The following DPP10 variants were observed in gnomAD, a reference collection of about 807,000 sequenced individuals.
The protein encoded by DPP10 is dipeptidyl peptidase like 10.
DPP10 carries 33 observed loss-of-function variants against 120.9 expected under a neutral mutation model. That is an observed-to-expected ratio of 0.27 (90% confidence interval 0.21 to 0.37). The LOEUF (loss-of-function observed/expected upper bound fraction) is 0.37. DPP10 is among the 10% of genes least tolerant of loss of function. The pLI is 1.00. For missense variants in DPP10, 816 were observed against 942.8 expected (o/e 0.87, Z 1.76); for synonymous variants, 337 against 326.1 (o/e 1.03, Z -0.36).
At chr2:115,362,013 G>T (rs961145016) in intron 3 of DPP10, among the ~76,000 whole-genome samples, 2 of 143,978 alleles carry the variant, frequency 1.4e-5, no homozygotes, top group African/African-American at 4.9e-5. Flanking sequence ...TATGTTTTGT[G>T]TGTATGTTTT....
chr2:115,767,730 A>G (rs2149810507), intron 12 of DPP10, among the ~76,000 whole-genome samples: 1 of 152,170 alleles, frequency 6.6e-6, no homozygotes, highest in Admixed American at 6.6e-5. Context: ...GAGATGAGCA[A>G]TAAGGATGGT....
At chr2:115,250,914 A>C (rs984387051) in intron 1 of DPP10, among the ~76,000 whole-genome samples, 6 of 152,218 alleles carry the variant, frequency 3.9e-5, no homozygotes, top group Admixed American at 2.6e-4. Context: ...ACAGTCTTTT[A>C]TGCCACTGGA....
At chr2:115,748,209 A>G (rs571332041) in intron 10 of DPP10, among the ~76,000 whole-genome samples, 1 of 139,300 alleles carries the variant, frequency 7.2e-6, no homozygotes, top group Non-Finnish European at 1.6e-5. Flanking sequence ...TTCATTTTAT[A>G]ATAATTTACA....
chr2:115,841,052 C>A (rs537550239), intron 25 of DPP10, among the ~76,000 whole-genome samples: 2 of 151,926 alleles, frequency 1.3e-5, no homozygotes, highest in Non-Finnish European at 2.9e-5. Flanking sequence ...TCCTCTCAGA[C>A]TTATTCATAT....
chr2:115,341,821 GTATC>G (rs1466334658), intron 2 of DPP10, among the ~76,000 whole-genome samples: 1 of 151,866 alleles, frequency 6.6e-6, no homozygotes, highest in Non-Finnish European at 1.5e-5. Flanking sequence ...TTAAAAAAAT[GTATC>G]TATTTAGCCA....
At chr2:115,451,778 A>G (rs933244283) in intron 3 of DPP10, among the ~76,000 whole-genome samples, 2 of 152,032 alleles carry the variant, frequency 1.3e-5, no homozygotes, top group Non-Finnish European at 2.9e-5. Flanking sequence ...TTAACGCATA[A>G]AAGTGAAATA....
intron 1 of DPP10, among the ~76,000 whole-genome samples, chr2:115,126,484 T>C (rs1283924691): frequency 6.6e-6 from 1 of 152,212 alleles, no homozygotes; most frequent in East Asian, 1.9e-4. Flanking sequence ...CCCGGAGTAG[T>C]TGAAAGATAT....
At chr2:114,742,800 G>A (rs1185222455) in intron 1 of DPP10, among the ~76,000 whole-genome samples, 1 of 152,178 alleles carries the variant, frequency 6.6e-6, no homozygotes, top group East Asian at 1.9e-4. Flanking sequence ...CAGCAACTTT[G>A]CTGGCTTCTT....
intron 5 of DPP10, among the ~76,000 whole-genome samples, chr2:115,604,028 A>T (rs2083533891): frequency 6.6e-6 from 1 of 152,030 alleles, no homozygotes; most frequent in African/African-American, 2.4e-5. Context: ...AGGCTAAAGG[A>T]AGAAAAATGA....
chr2:114,999,142 T>A (rs759024835), intron 1 of DPP10, among the ~76,000 whole-genome samples: 1 of 152,202 alleles, frequency 6.6e-6, no homozygotes, highest in Non-Finnish European at 1.5e-5. Context: ...TGTTTTGCTG[T>A]ATCTTCAGGA....
intron 5 of DPP10, among the ~76,000 whole-genome samples, chr2:115,673,085 A>G (rs1463060200): frequency 6.6e-6 from 1 of 152,122 alleles, no homozygotes; most frequent in Non-Finnish European, 1.5e-5. Flanking sequence ...TTATGCAGTT[A>G]TATATAACAA....
intron 21 of DPP10, 91 bp from the exon 22 acceptor site, chr2:115,836,066 G>A: frequency 3.1e-6 from 2 of 635,072 alleles, no homozygotes; most frequent in Non-Finnish European, 4.6e-6. Context: ...ATGTCTCCAG[G>A]CATAGTTGTT....
At chr2:115,407,341 G>A (rs78588421) in intron 3 of DPP10, among the ~76,000 whole-genome samples, 5,641 of 152,126 alleles carry the variant, frequency 0.037, 376 homozygotes, top group African/African-American at 0.13. Flanking sequence ...ATTCCCCCTC[G>A]AAAGGAGCAC....
chr2:115,349,746 T>C (rs989957298), intron 3 of DPP10, among the ~76,000 whole-genome samples: 1 of 152,116 alleles, frequency 6.6e-6, no homozygotes, highest in Non-Finnish European at 1.5e-5. Flanking sequence ...AATACATCTT[T>C]GTTGTTTCTT....
At chr2:115,292,276 G>GT (rs1457826098) in intron 1 of DPP10, among the ~76,000 whole-genome samples, 4 of 151,928 alleles carry the variant, frequency 2.6e-5, no homozygotes, top group African/African-American at 9.7e-5. Flanking sequence ...AACCAATTAT[G>GT]TTTTTTCCTA....
intron 1 of DPP10, chr2:115,162,412 C>T (rs2052476146): frequency 1.6e-6 from 2 of 1,248,774 alleles, no homozygotes; most frequent in Non-Finnish European, 2.1e-6. Flanking sequence ...GACGGCCGCT[C>T]ACCGGGTTCG....
intron 4 of DPP10, among the ~76,000 whole-genome samples, chr2:115,502,713 C>T (rs1163453917): frequency 6.6e-6 from 1 of 152,038 alleles, no homozygotes; most frequent in African/African-American, 2.4e-5. Flanking sequence ...TTTTTTAAGA[C>T]ACAAGCTCTT....
chr2:115,536,087 A>G (rs1343808994), intron 5 of DPP10, among the ~76,000 whole-genome samples: 4 of 152,044 alleles, frequency 2.6e-5, no homozygotes, highest in Non-Finnish European at 5.9e-5. Context: ...AAATAATATA[A>G]CTGTATTATA....
intron 5 of DPP10, among the ~76,000 whole-genome samples, chr2:115,532,840 A>G (rs920023136): frequency 6.6e-6 from 1 of 151,872 alleles, no homozygotes; most frequent in African/African-American, 2.4e-5. Flanking sequence ...CAGCATTCTG[A>G]GTCATGTATA....
Sources: allele counts gnomAD v4.1 joint callset (sites outside exome capture counted in the v4.1 genomes callset), GRCh38; gene constraint gnomAD v4.1.1; transcripts MANE v1.5; gene names NCBI Gene and HGNC (gene_info 2026-07-23, HGNC 2026-07-21).